SP140L: variants seen among roughly 807,000 people sequenced by gnomAD.
The protein encoded by SP140L is nuclear body protein SP140-like protein.
SP140L carries 64 observed loss-of-function variants against 84.3 expected under a neutral mutation model. The ratio of observed to expected loss-of-function variants is 0.76; its 90% CI spans 0.62 to 0.94. The LOEUF is 0.94. Ranked by LOEUF, SP140L falls within the 40% of genes least tolerant of loss-of-function variation. The pLI is 0.00. For synonymous variants in SP140L, 242 were observed against 236.9 expected, an observed-to-expected ratio of 1.02 and a Z score of -0.20; for missense variants, 628 against 692.5, an observed-to-expected ratio of 0.91 and a Z score of 1.05.
At chr2:230,356,797 A>G (rs909062451) in intron 2 of SP140L, among the ~76,000 whole-genome samples, 1 of 152,164 alleles carries the variant, frequency 6.6e-6, no homozygotes, top group African/African-American at 2.4e-5. Flanking sequence ...TTTGTCTTCA[A>G]GGTTTTATTT....
chr2:230,385,176 G>A lies in SP140L; in HGVS notation c.704-48G>A, dbSNP rs566491140. 6.3e-5 allele frequency: 101 copies of A among 1,594,414 alleles called. 2 individuals carry two copies. The South Asian group carries it at 1.1e-3, about 17-fold the overall frequency. On this transcript the variant is annotated intron_variant, in intron 8 of 18. Transcript: ENST00000415673. ...TTGCGTTTGGTCCAGCCTGTGAGCT[G>A]TTGTTCTGCCCAGTTCTATTAATAC...
At chr2:230,390,228 A>T (rs554285646) in intron 11 of SP140L, among the ~76,000 whole-genome samples, 3 of 152,226 alleles carry the variant, frequency 2.0e-5, no homozygotes, top group African/African-American at 4.8e-5. Flanking sequence ...TGGAGTGTCC[A>T]GGGGGTACCC....
At chr2:230,355,946 T>A (rs2060532585) in intron 2 of SP140L, among the ~76,000 whole-genome samples, 1 of 152,102 alleles carries the variant, frequency 6.6e-6, no homozygotes, top group Admixed American at 6.5e-5. Flanking sequence ...CTATCCATAA[T>A]CTGTAAAAGG....
rs2061481623 is a variant in SP140L at position 230,383,705 on chromosome 2, C to T, written c.703+130C>T. The T allele has an allele frequency of 4.8e-6, 4 of 829,432 alleles. No homozygotes were observed. The Admixed American group carries it at 1.2e-4, about 25-fold the overall frequency. The allele number at this position is 829,432 out of a possible 1,614,324, so 51.4% of individuals were successfully genotyped here. ...TTCCTGTATCCGTTAGGATGTAGAC[C>T]AACAGGCTGTGACAAAGAGGCCTGA... is the stretch of plus-strand genomic sequence containing the variant. On this transcript the variant is annotated intron_variant, in intron 8 of 18. Transcript: ENST00000415673.
intron 2 of SP140L, among the ~76,000 whole-genome samples, chr2:230,341,541 G>C (rs937829858): frequency 6.6e-6 from 1 of 151,468 alleles, no homozygotes; most frequent in Non-Finnish European, 1.5e-5. Context: ...GTGAGGAACT[G>C]TGTTCCTTTG....
chr2:230,381,711 T>TACACACAC (rs71052506), intron 7 of SP140L, among the ~76,000 whole-genome samples: 57 of 147,168 alleles, frequency 3.9e-4, no homozygotes, highest in South Asian at 6.5e-4. Context: ...CCTGTCTCTC[T>TACACACAC]ACACACACAC....
chr2:230,353,145 A>G (rs898870593), intron 2 of SP140L, among the ~76,000 whole-genome samples: 34 of 152,022 alleles, frequency 2.2e-4, no homozygotes, highest in African/African-American at 8.0e-4. Context: ...CTCTTATTCA[A>G]TCTCATTGCC....
chr2:230,377,208 G>A (rs1474140454), intron 7 of SP140L, among the ~76,000 whole-genome samples: 2 of 150,002 alleles, frequency 1.3e-5, no homozygotes, highest in Non-Finnish European at 3.0e-5. Flanking sequence ...AAGAAATGAG[G>A]CCTCACTACG....
At chr2:230,388,692 A>T in intron 10 of SP140L, 59 bp downstream of exon 10, 1 of 1,404,522 alleles carries the variant, frequency 7.1e-7, no homozygotes, top group Admixed American at 2.3e-5. Context: ...CCTGTGCTTT[A>T]TGCTGTATTT....
intron 2 of SP140L, among the ~76,000 whole-genome samples, chr2:230,350,667 G>A (rs1040610373): frequency 1.3e-5 from 2 of 152,004 alleles, no homozygotes; most frequent in East Asian, 1.9e-4. Context: ...ACAAACAAAT[G>A]TGTAATTTAT....
intron 2 of SP140L, among the ~76,000 whole-genome samples, chr2:230,350,940 A>G (rs1448609061): frequency 6.6e-6 from 1 of 152,176 alleles, no homozygotes; most frequent in Non-Finnish European, 1.5e-5. Context: ...TAGTCAAGAA[A>G]CAACAAATAG....
intron 2 of SP140L, among the ~76,000 whole-genome samples, chr2:230,333,475 T>G (rs1428297537): frequency 6.6e-6 from 1 of 152,130 alleles, no homozygotes; most frequent in Non-Finnish European, 1.5e-5. Context: ...TGATTCTTGA[T>G]CCTGTCTTTC....
At chr2:230,388,688 CT>C in intron 10 of SP140L, 55 bp downstream of exon 10, 1 of 1,416,274 alleles carries the variant, frequency 7.1e-7, no homozygotes. Flanking sequence ...ATTTCCTGTG[CT>C]TTATGCTGTA....
intron 2 of SP140L, among the ~76,000 whole-genome samples, chr2:230,343,971 G>T (rs1386222359): frequency 6.6e-6 from 1 of 152,206 alleles, no homozygotes; most frequent in Non-Finnish European, 1.5e-5. Context: ...TAAGTGCTGT[G>T]TGGTGATGGG....
At chr2:230,370,428 C>T (rs1291541506) in intron 5 of SP140L, among the ~76,000 whole-genome samples, 1 of 152,104 alleles carries the variant, frequency 6.6e-6, no homozygotes, top group Non-Finnish European at 1.5e-5. Context: ...GGAATAAAGG[C>T]CTACTAACAT....
chr2:230,366,710 C>CATTAT (rs1553620448), intron 5 of SP140L, among the ~76,000 whole-genome samples: 23,444 of 144,518 alleles, frequency 0.16, 2,443 homozygotes, highest in East Asian at 0.42. Context: ...GGATTATTAT[C>CATTAT]TATTATTATT....
At chr2:230,351,603 T>A (rs945706759) in intron 2 of SP140L, among the ~76,000 whole-genome samples, 2 of 152,222 alleles carry the variant, frequency 1.3e-5, no homozygotes, top group African/African-American at 2.4e-5. Flanking sequence ...TCTCAAATTG[T>A]TCTTTATTGA....
At chr2:230,362,166 C>T (rs188610413) in intron 5 of SP140L, among the ~76,000 whole-genome samples, 3 of 152,274 alleles carry the variant, frequency 2.0e-5, no homozygotes, top group East Asian at 3.9e-4. Context: ...CCAACCAGTT[C>T]TTCAGTTCCC....
At chr2:230,359,256 T>C (rs2060642591) in intron 4 of SP140L, 124 bp downstream of exon 4, 10 of 829,690 alleles carry the variant, frequency 1.2e-5, no homozygotes, top group East Asian at 2.6e-5. Context: ...GTTAACAAAA[T>C]AGACGTGTCA....
Sources: allele counts gnomAD v4.1 joint callset (sites outside exome capture counted in the v4.1 genomes callset), GRCh38; gene constraint gnomAD v4.1.1; transcripts MANE v1.5; gene names NCBI Gene and HGNC (gene_info 2026-07-23, HGNC 2026-07-21).